RGS9: variants seen among roughly 807,000 people sequenced by gnomAD.
RGS9 encodes regulator of G-protein signalling 9.
In RGS9, 78 loss-of-function variants were observed where a neutral mutation model predicts 102.0. The ratio of observed to expected loss-of-function variants is 0.76; its 90% CI spans 0.64 to 0.92. The LOEUF is 0.92. Among genes scored for constraint, RGS9 ranks in the 40% least tolerant of loss-of-function variants. The pLI is 0.00. For synonymous variants in RGS9, 353 were observed against 318.6 expected (o/e 1.11, Z -1.15); for missense variants, 833 against 866.1 (o/e 0.96, Z 0.48).
chr17:65,200,183 C>T (rs1405014922), intron 13 of RGS9, among the ~76,000 whole-genome samples: 1 of 152,142 alleles, frequency 6.6e-6, no homozygotes, highest in East Asian at 1.9e-4. Context: ...AGGCGCCCGC[C>T]ACCACGGCCG....
intron 17 of RGS9, among the ~76,000 whole-genome samples, chr17:65,216,327 G>T (rs907185781): frequency 4.6e-5 from 7 of 152,172 alleles, no homozygotes; most frequent in African/African-American, 7.2e-5. Flanking sequence ...CAAACAGAGA[G>T]ACAGATTGGT....
At position 65,160,357 on chromosome 17, in the gene RGS9, C is replaced by A; in HGVS notation, c.312+18C>A. 2 of 1,597,186 alleles carry A rather than the reference C, an allele frequency of 1.3e-6. No homozygotes were observed. Among genetic ancestry groups the A allele is most frequent in the South Asian group, 1.1e-5 (1 of 90,682 alleles). ...GATTTCAGGTGAGTCTTGGCCTTGA[C>A]CCTGGCTGTTCATATGGGGTTGATC... On this transcript the variant is annotated intron_variant, in intron 4 of 18. Coordinates refer to ENST00000262406, the MANE Select transcript of RGS9 (RefSeq NM_003835.4).
chr17:65,167,157 G>A (rs1281026143), intron 7 of RGS9, among the ~76,000 whole-genome samples: 2 of 152,152 alleles, frequency 1.3e-5, no homozygotes, highest in African/African-American at 2.4e-5. Flanking sequence ...GTGGGAAAGG[G>A]AGAGAGACTG....
chr17:65,217,890 G>A (rs572878706), intron 17 of RGS9, among the ~76,000 whole-genome samples: 1 of 152,304 alleles, frequency 6.6e-6, no homozygotes, highest in Admixed American at 6.5e-5. Context: ...CTAAGTTAAG[G>A]TAAGATCAAT....
chr17:65,207,693 C>T (rs1178660424), intron 15 of RGS9, among the ~76,000 whole-genome samples: 6 of 152,240 alleles, frequency 3.9e-5, no homozygotes, highest in South Asian at 2.1e-4. Context: ...CTCATCAGGA[C>T]GGCTGGGGCA....
chr17:65,193,434 T>G, intron 11 of RGS9, 109 bp from the exon 12 acceptor site: 1 of 755,996 alleles, frequency 1.3e-6, no homozygotes. Flanking sequence ...AATAAGTATG[T>G]CACCAAATCG....
intron 1 of RGS9, among the ~76,000 whole-genome samples, chr17:65,138,581 C>A (rs1200424541): frequency 6.6e-6 from 1 of 151,952 alleles, no homozygotes; most frequent in Non-Finnish European, 1.5e-5. Context: ...GCTCATCTTC[C>A]GGGTAGCAGA....
rs1394187035 is a variant in RGS9 at position 65,158,215 on chromosome 17, A to G, written c.155-80A>G. Reference sequence around the variant, plus strand: ...GAAATCGCAGCTGAACGGGAAGGAGACCAGTCAGGCAACAGCGTGGAGGAG... The same window carrying G: ...GAAATCGCAGCTGAACGGGAAGGAGGCCAGTCAGGCAACAGCGTGGAGGAG... On this transcript the variant is annotated intron_variant, in intron 2 of 18. Transcript: ENST00000262406. 3 of 1,322,028 alleles carry G rather than the reference A, an allele frequency of 2.3e-6. No individual in the cohort carries two copies. The Admixed American group carries it at 5.0e-5, about 22-fold the overall frequency. 81.9% of individuals were successfully genotyped at this position (1,322,028 alleles called of 1,614,324 possible).
In RGS9 at chr17:65,137,578, G is replaced by T. The variant is rs2143936475; in HGVS notation, c.38G>T (p.Arg13Met). ...IRHQGQQYRP[R>M]MAFLQKIEAL... Reference sequence around the variant, plus strand: ...CACCAAGGCCAGCAGTACAGGCCGAGGATGGCATTTCTCCAAAAGGTAACC... The same window carrying T: ...CACCAAGGCCAGCAGTACAGGCCGATGATGGCATTTCTCCAAAAGGTAACC... Residue 13 changes from arginine (R) to methionine (M), a missense_variant, in exon 1 of 19, where the codon AGG (arginine) becomes ATG (methionine). Coordinates refer to ENST00000262406, the MANE Select transcript of RGS9 (RefSeq NM_003835.4). The T allele has an allele frequency of 1.9e-6, 3 of 1,613,322 alleles. No individual in the cohort carries two copies. The East Asian group carries it at 6.7e-5, about 36-fold the overall frequency.
intron 1 of RGS9, among the ~76,000 whole-genome samples, chr17:65,140,338 A>C (rs1156485256): frequency 4.6e-5 from 7 of 152,114 alleles, no homozygotes; most frequent in Non-Finnish European, 7.4e-5. Flanking sequence ...GCAGAAAGGG[A>C]AAGATGTTTC....
chr17:65,170,823 G>T (rs1002132372), intron 8 of RGS9, among the ~76,000 whole-genome samples: 1 of 152,178 alleles, frequency 6.6e-6, no homozygotes, highest in African/African-American at 2.4e-5. Context: ...AACCAGACCA[G>T]TAGTCAAAGA....
chr17:65,182,794 C>T, intron 9 of RGS9, among the ~76,000 whole-genome samples: 1 of 152,202 alleles, frequency 6.6e-6, no homozygotes, highest in Non-Finnish European at 1.5e-5. Context: ...GGGCCGGCTT[C>T]ATGGGCAGGG....
intron 2 of RGS9, among the ~76,000 whole-genome samples, chr17:65,156,027 C>A (rs1328703143): frequency 6.6e-6 from 1 of 151,150 alleles, no homozygotes; most frequent in African/African-American, 2.4e-5. Flanking sequence ...TTTATTTTTA[C>A]TTATACTTTT....
At chr17:65,160,409 T>C (rs1346196115) in intron 4 of RGS9, 70 bp downstream of exon 4, 2 of 1,563,722 alleles carry the variant, frequency 1.3e-6, no homozygotes, top group East Asian at 4.5e-5. Flanking sequence ...GGTTCATAGT[T>C]TCACAGATCA....
intron 14 of RGS9, among the ~76,000 whole-genome samples, chr17:65,203,409 A>G (rs575022979): frequency 1.5e-3 from 229 of 152,350 alleles, no homozygotes; most frequent in African/African-American, 5.3e-3. Flanking sequence ...AATCTGCTAC[A>G]GGAAGCCCGC....
At chr17:65,215,482 T>TTC (rs1567893186) in intron 17 of RGS9, among the ~76,000 whole-genome samples, 3 of 115,288 alleles carry the variant, frequency 2.6e-5, no homozygotes, top group East Asian at 4.4e-4. Context: ...TTCTCTATCT[T>TTC]TCTTTCGTTC....
chr17:65,146,701 C>T (rs1253960967), intron 1 of RGS9, among the ~76,000 whole-genome samples: 2 of 151,858 alleles, frequency 1.3e-5, no homozygotes, highest in African/African-American at 4.8e-5. Context: ...TTGAGACCAG[C>T]CTGGACAACA....
In RGS9 at chr17:65,210,610, T is replaced by C; in HGVS notation, c.1407+5T>C. The C allele has an allele frequency of 6.2e-7, 1 of 1,613,716 alleles. No homozygotes were observed. The highest frequency in any genetic ancestry group is 8.5e-7 in the Non-Finnish European group (1 of 1,180,000). ...AACACTGTGGACATCACCCAGGTCA[T>C]GAGCAAGCTGGACCGCAGGAGCCAA... On this transcript the variant is annotated splice_donor_5th_base_variant and intron_variant, in intron 17 of 18. Transcript: ENST00000262406.
intron 9 of RGS9, among the ~76,000 whole-genome samples, chr17:65,185,163 A>G (rs553285336): frequency 1.3e-5 from 2 of 152,272 alleles, no homozygotes; most frequent in South Asian, 2.1e-4. Flanking sequence ...AGATCCCTGT[A>G]TGTTAATCTA....
Sources: allele counts gnomAD v4.1 joint callset (sites outside exome capture counted in the v4.1 genomes callset), GRCh38; gene constraint gnomAD v4.1.1; transcripts MANE v1.5; gene names NCBI Gene and HGNC (gene_info 2026-07-23, HGNC 2026-07-21).